The following HIGD2B variants were observed in gnomAD, a reference collection of about 807,000 sequenced individuals.
HIGD2B encodes the protein HIG1 domain family member 2B.
For synonymous variants in HIGD2B, 45 were observed against 28.1 expected (o/e 1.60, Z -1.90); for missense variants, 106 against 67.0 (o/e 1.58, Z -2.03).
chr15:72,676,469 A>G (rs2064694360), intron 2 of HIGD2B, 82 bp from the exon 3 acceptor site: 1 of 606,802 alleles, frequency 1.6e-6, no homozygotes, highest in Non-Finnish European at 2.9e-6. Flanking sequence ...CAGTGGTGCA[A>G]CCTTGGCTCA....
chr15:72,683,140 T>A (rs958022683), intron 1 of HIGD2B, among the ~76,000 whole-genome samples: 4 of 152,258 alleles, frequency 2.6e-5, no homozygotes, highest in African/African-American at 4.8e-5. Flanking sequence ...AAAGGGAACT[T>A]GGACATTTAG....
At position 72,676,030 on chromosome 15, in the gene HIGD2B, T is replaced by G; in HGVS notation, c.*24A>C. 1.4e-6 allele frequency: 1 copy of G among 715,018 alleles called. No individual in the cohort carries two copies. The highest frequency in any genetic ancestry group is 2.6e-6 in the Non-Finnish European group (1 of 390,384). The allele number at this position is 715,018 out of a possible 1,614,324, so 44.3% of individuals were successfully genotyped here. A position where few individuals can be genotyped will look rare whatever the true frequency, so the allele number is the denominator to read the frequency against. On this transcript the variant is annotated 3_prime_UTR_variant, in exon 3 of 3. Coordinates refer to ENST00000311755, the MANE Select transcript of HIGD2B (RefSeq NM_001350932.3). Reference sequence around the variant, plus strand: ...TGCTCCTGGGTTTTGGAATGATTTCTGCAGAGTTTTCAAGACCCTGGGCTC... The same window carrying G: ...TGCTCCTGGGTTTTGGAATGATTTCGGCAGAGTTTTCAAGACCCTGGGCTC...
chr15:72,683,898 CT>C (rs10592674), intron 1 of HIGD2B, among the ~76,000 whole-genome samples: 112,299 of 141,042 alleles, frequency 0.8, 45,985 homozygotes, highest in Middle Eastern at 0.94. Flanking sequence ...ATCTTTATAT[CT>C]TTTTTTTTTT....
rs979118198 is a variant in HIGD2B, at chr15:72,678,383, C to T, written c.-14+1632G>A. ...TGATCAAAACTCACTGTGGTCTTGA[C>T]GTCCTGGGCTCAAGTGATCCTCCTG... On this transcript the variant is annotated intron_variant, in intron 2 of 2. Coordinates refer to ENST00000311755, the MANE Select transcript of HIGD2B (RefSeq NM_001350932.3). Among the ~76,000 whole-genome samples the T allele has an allele frequency of 1.4e-4, 22 of 152,074 alleles. 1 individual carries two copies. Among genetic ancestry groups the T allele is most frequent in the South Asian group, 2.1e-4 (1 of 4,824 alleles).
intron 2 of HIGD2B, among the ~76,000 whole-genome samples, chr15:72,679,777 G>T (rs1192247533): frequency 6.6e-6 from 1 of 152,006 alleles, no homozygotes; most frequent in Non-Finnish European, 1.5e-5. Context: ...TGTCCAACAG[G>T]GTTGTCCTGT....
chr15:72,681,098 A>C (rs1299955090), intron 1 of HIGD2B, among the ~76,000 whole-genome samples: 1 of 152,078 alleles, frequency 6.6e-6, no homozygotes, highest in Admixed American at 6.6e-5. Context: ...GATACACCTA[A>C]ACCACACAGA....
intron 2 of HIGD2B, among the ~76,000 whole-genome samples, chr15:72,679,365 C>CAAA (rs33992211): frequency 1.5e-4 from 19 of 123,510 alleles, no homozygotes; most frequent in African/African-American, 5.3e-4. Context: ...AACTGTGTCT[C>CAAA]AAAAAAAAAA....
chr15:72,684,177 T>C (rs1212102393), intron 1 of HIGD2B, among the ~76,000 whole-genome samples: 1 of 152,146 alleles, frequency 6.6e-6, no homozygotes, highest in Non-Finnish European at 1.5e-5. Context: ...AACATGAAAG[T>C]ACACTCCAGT....
At chr15:72,677,832 T>C (rs1274035999) in intron 2 of HIGD2B, among the ~76,000 whole-genome samples, 1 of 152,126 alleles carries the variant, frequency 6.6e-6, no homozygotes, top group Non-Finnish European at 1.5e-5. Context: ...AATAGGGATC[T>C]GGAGCTGGTA....
chr15:72,678,810 C>T lies in HIGD2B; in HGVS notation c.-14+1205G>A, dbSNP rs576601927. Among the ~76,000 whole-genome samples, 76 of 151,960 alleles carry T rather than the reference C, an allele frequency of 5.0e-4. 1 individual carries two copies. The highest frequency in any genetic ancestry group is 6.8e-3 in the Middle Eastern group (2 of 292). The stretch of plus-strand genomic sequence containing the variant: ...CCTTGGAGTTTGAGACCAGCCTGGG[C>T]AATATGGCAAAACCCCATCTCTACA... On this transcript the variant is annotated intron_variant, in intron 2 of 2. Coordinates refer to ENST00000311755, the MANE Select transcript of HIGD2B (RefSeq NM_001350932.3).
At position 72,685,919 on chromosome 15, in the gene HIGD2B, T is replaced by G; in HGVS notation, c.-294A>C. On this transcript the variant is annotated 5_prime_UTR_variant, in exon 1 of 3. Transcript: ENST00000311755. The stretch of plus-strand genomic sequence containing the variant: ...GGGTAAGGTGGCGGGAGAACTAGGC[T>G]GCCATCCCAGGTGGCTGGCCTACCA... 1.9e-6 allele frequency: 1 copy of G among 523,390 alleles called. No individual in the cohort carries two copies. The highest frequency in any genetic ancestry group is 3.5e-6 in the Non-Finnish European group (1 of 287,944). 32.4% of individuals were successfully genotyped at this position (523,390 alleles called of 1,614,324 possible).
chr15:72,679,195 C>G (rs1241267155), intron 2 of HIGD2B, among the ~76,000 whole-genome samples: 1 of 151,512 alleles, frequency 6.6e-6, no homozygotes, highest in Admixed American at 6.6e-5. Context: ...GAAACCTCAT[C>G]TTTACTAAAA....
chr15:72,676,368 T>A lies in HIGD2B; in HGVS notation c.7A>T (p.Thr3Ser), dbSNP rs1479093525. ...GCCTCCGGAGTCACAAAGCCGAGAG[T>A]CGCCATGCCTAGGCCACAGCTGCAG... MATLGFVTPEAPF... is the reference protein window; with the variant it reads MASLGFVTPEAPF... The change falls in exon 3 of 3, where the codon ACT (threonine) becomes TCT (serine). Residue 3 changes from threonine (T) to serine (S), a missense_variant. Thr to Ser is a moderately conservative substitution (Grantham distance 58). Coordinates refer to ENST00000311755, the MANE Select transcript of HIGD2B (RefSeq NM_001350932.3). The A allele has an allele frequency of 5.3e-6, 4 of 753,102 alleles. No homozygotes were observed. The highest frequency in any genetic ancestry group is 9.7e-6 in the Non-Finnish European group (4 of 411,900). The allele number at this position is 753,102 out of a possible 1,614,324, so 46.7% of individuals were successfully genotyped here.
At chr15:72,677,645 T>A (rs2064706510) in intron 2 of HIGD2B, among the ~76,000 whole-genome samples, 1 of 150,514 alleles carries the variant, frequency 6.6e-6, no homozygotes, top group African/African-American at 2.5e-5. Flanking sequence ...GCCTGTGATC[T>A]CAACTACTCA....
intron 2 of HIGD2B, among the ~76,000 whole-genome samples, chr15:72,678,233 C>G (rs1477268481): frequency 6.6e-6 from 1 of 152,166 alleles, no homozygotes; most frequent in Non-Finnish European, 1.5e-5. Flanking sequence ...GTGTCACTCA[C>G]AGAGGGAATT....
At chr15:72,679,353 A>T (rs1417686648) in intron 2 of HIGD2B, among the ~76,000 whole-genome samples, 2 of 131,436 alleles carry the variant, frequency 1.5e-5, no homozygotes, top group Non-Finnish European at 3.4e-5. Flanking sequence ...CAACAAGCAC[A>T]AAACTGTGTC....
intron 2 of HIGD2B, among the ~76,000 whole-genome samples, chr15:72,677,115 T>C (rs1393379703): frequency 3.9e-5 from 6 of 152,170 alleles, no homozygotes; most frequent in Admixed American, 1.3e-4. Flanking sequence ...TGCAGGTGAA[T>C]CTACAATTAT....
At chr15:72,685,157 G>T (rs1387760381) in intron 1 of HIGD2B, among the ~76,000 whole-genome samples, 1 of 152,148 alleles carries the variant, frequency 6.6e-6, no homozygotes, top group Non-Finnish European at 1.5e-5. Context: ...CCTTGTATTT[G>T]GATAGATTAC....
At chr15:72,676,502 C>A in intron 2 of HIGD2B, 115 bp from the exon 3 acceptor site, 1 of 596,682 alleles carries the variant, frequency 1.7e-6, no homozygotes, top group Non-Finnish European at 3.0e-6. Flanking sequence ...CCTCCCTGGT[C>A]CCAGTTAAAG....
Sources: gnomAD v4.1 joint callset for allele counts (sites outside exome capture counted in the v4.1 genomes callset) on GRCh38, gnomAD v4.1.1 for gene constraint, MANE v1.5 for transcripts, NCBI Gene and HGNC (gene_info 2026-07-23, HGNC 2026-07-21) for gene names.